Variants in FAM204A observed in about 807,000 individuals in gnomAD.
The protein encoded by FAM204A is protein FAM204A.
A neutral mutation model predicts 35.4 loss-of-function variants in FAM204A; 16 were observed. The ratio of observed to expected loss-of-function variants is 0.45; its 90% CI spans 0.31 to 0.69. The LOEUF is 0.69. Ranked by LOEUF, FAM204A falls within the 30% of genes least tolerant of loss-of-function variation. The pLI is 0.07. For synonymous variants in FAM204A, 76 were observed against 86.9 expected (o/e 0.88, Z 0.70); for missense variants, 240 against 265.7 (o/e 0.90, Z 0.67).
At chr10:118,320,876 T>C (rs1251620712) in intron 7 of FAM204A, among the ~76,000 whole-genome samples, 1 of 147,750 alleles carries the variant, frequency 6.8e-6, no homozygotes, top group Non-Finnish European at 1.5e-5. Flanking sequence ...TATTTTGGAA[T>C]ACCGTTTTGT....
Position 118,308,407 on chromosome 10 carries a change from G to A in FAM204A, c.*2450C>T, listed in dbSNP as rs755704266. ...TGACTACATCCTTTGAGCAGCATGC[G>A]TACTCAAGGAATAATGTTTCTAGGA... On this transcript the variant is annotated 3_prime_UTR_variant, in exon 9 of 9. Transcript: ENST00000369183. 21 of 152,128 alleles carry A rather than the reference G, an allele frequency of 1.4e-4. No individual in the cohort carries two copies. Among genetic ancestry groups the A allele is most frequent in the African/African-American group, 3.6e-4 (15 of 41,408 alleles). 9.4% of individuals were successfully genotyped at this position (152,128 alleles called of 1,614,324 possible).
chr10:118,334,331 G>A (rs964073446), intron 6 of FAM204A, among the ~76,000 whole-genome samples: 7 of 151,974 alleles, frequency 4.6e-5, no homozygotes, highest in East Asian at 1.9e-4. Flanking sequence ...CCTTCCATAC[G>A]CCCCAAACCC....
rs1845887507 is a variant in FAM204A at position 118,307,761 on chromosome 10, C to T, written c.*3096G>A. 1.3e-5 allele frequency: 2 copies of T among 152,078 alleles called. No individual in the cohort carries two copies. The highest frequency in any genetic ancestry group is 6.6e-5 in the Admixed American group (1 of 15,260). The allele number at this position is 152,078 out of a possible 1,614,324, so 9.4% of individuals were successfully genotyped here. ...ATAAGCTAAAAGATAATATTTTAGA[C>T]AAAAGGTATAAAGAAAATCAGAAGA... On this transcript the variant is annotated 3_prime_UTR_variant, in exon 9 of 9. Transcript: ENST00000369183.
chr10:118,319,158 T>C (rs1432734171), intron 7 of FAM204A, among the ~76,000 whole-genome samples: 3 of 152,034 alleles, frequency 2.0e-5, no homozygotes, highest in South Asian at 4.1e-4. Context: ...CAGATGTTAA[T>C]ATAAAACGAA....
At chr10:118,315,319 T>A (rs928728738) in intron 7 of FAM204A, among the ~76,000 whole-genome samples, 5 of 152,186 alleles carry the variant, frequency 3.3e-5, no homozygotes, top group Admixed American at 3.3e-4. Flanking sequence ...TTGCTGATAA[T>A]CATTTGAAGT....
chr10:118,336,135 T>C (rs750971131), intron 3 of FAM204A, 47 bp downstream of exon 3: 2 of 1,586,496 alleles, frequency 1.3e-6, no homozygotes, highest in African/African-American at 1.3e-5. Flanking sequence ...CACAGAGGCA[T>C]GTGCACACAC....
Position 118,300,686 on chromosome 10 carries a change from T to A in FAM204A, c.*10171A>T, listed in dbSNP as rs1453144989. 2.0e-5 allele frequency: 3 copies of A among 152,184 alleles called. No homozygotes were observed. Among genetic ancestry groups the A allele is most frequent in the African/African-American group, 7.2e-5 (3 of 41,436 alleles). 9.4% of individuals were successfully genotyped at this position (152,184 alleles called of 1,614,324 possible). On this transcript the variant is annotated 3_prime_UTR_variant, in exon 9 of 9. Transcript: ENST00000369183. ...CCTTTAGCCACCCACCTATAGGAGC[T>A]TAGCCCTGGGGAATTCTTTGGGCAG...
Position 118,307,336 on chromosome 10 carries a change from T to C in FAM204A, c.*3521A>G, listed in dbSNP as rs1307720138. 6.6e-6 allele frequency: 1 copy of C among 152,220 alleles called. No homozygotes were observed. The allele number at this position is 152,220 out of a possible 1,614,324, so 9.4% of individuals were successfully genotyped here. On this transcript the variant is annotated 3_prime_UTR_variant, in exon 9 of 9. Transcript: ENST00000369183. ...TTCATGAAAGTCAGAGCTAAGACTT[T>C]AGTAGAGTGTAAATTTTAAGCCAAT...
At position 118,308,397 on chromosome 10, in the gene FAM204A, A is replaced by G. The variant is rs749842764; in HGVS notation, c.*2460T>C. ...AGTGGACAAATGACTACATCCTTTGAGCAGCATGCGTACTCAAGGAATAAT... is the reference window on the plus strand; with the variant it reads ...AGTGGACAAATGACTACATCCTTTGGGCAGCATGCGTACTCAAGGAATAAT... On this transcript the variant is annotated 3_prime_UTR_variant, in exon 9 of 9. Transcript: ENST00000369183. 1 of 152,208 alleles carries G rather than the reference A, an allele frequency of 6.6e-6. No individual in the cohort carries two copies. Among genetic ancestry groups the G allele is most frequent in the South Asian group, 2.1e-4 (1 of 4,822 alleles). 9.4% of individuals were successfully genotyped at this position (152,208 alleles called of 1,614,324 possible).
chr10:118,311,497 C>A, intron 7 of FAM204A, 184 bp from the exon 8 acceptor site: 1 of 540,706 alleles, frequency 1.8e-6, no homozygotes, highest in South Asian at 2.7e-5. Context: ...TCCCGTGACT[C>A]CCAATAGACC....
chr10:118,336,502 G>A (rs1297405418), intron 2 of FAM204A, 79 bp from the exon 3 acceptor site: 1 of 1,288,594 alleles, frequency 7.8e-7, no homozygotes, highest in African/African-American at 1.5e-5. Flanking sequence ...CATTCCAGGT[G>A]CCTAATAATT....
chr10:118,330,484 G>A (rs1445113271), intron 6 of FAM204A, among the ~76,000 whole-genome samples: 1 of 152,144 alleles, frequency 6.6e-6, no homozygotes, highest in African/African-American at 2.4e-5. Context: ...AAAGCTCTGG[G>A]TAAATGACAT....
chr10:118,312,071 T>C (rs1845961202), intron 7 of FAM204A, among the ~76,000 whole-genome samples: 1 of 152,234 alleles, frequency 6.6e-6, no homozygotes, highest in Non-Finnish European at 1.5e-5. Flanking sequence ...TTTTACACTC[T>C]GCCCTGCACG....
In FAM204A at chr10:118,329,528, T is replaced by C. The variant is rs72835410; in HGVS notation, c.454-3285A>G. ...GGCTCACGTCGAATGTTACCTTCTCTATCTACGCAGAGCTCCTCAGCCCTA... is the reference window on the plus strand; with the variant it reads ...GGCTCACGTCGAATGTTACCTTCTCCATCTACGCAGAGCTCCTCAGCCCTA... On this transcript the variant is annotated intron_variant, in intron 6 of 8. Transcript: ENST00000369183. Among the ~76,000 whole-genome samples, 1,079 of 152,288 alleles carry C rather than the reference T, an allele frequency of 7.1e-3. 7 individuals are homozygous for C. The highest frequency in any genetic ancestry group is 0.012 in the Non-Finnish European group (796 of 68,014).
At chr10:118,336,526 G>A in intron 2 of FAM204A, 103 bp from the exon 3 acceptor site, 2 of 1,086,722 alleles carry the variant, frequency 1.8e-6, no homozygotes, top group Non-Finnish European at 2.5e-6. Context: ...ACAATGGTTT[G>A]GGAACAGTCC....
chr10:118,313,181 A>G lies in FAM204A; in HGVS notation c.544-1868T>C, dbSNP rs1845979966. Among the ~76,000 whole-genome samples, 4 of 152,260 alleles carry G rather than the reference A, an allele frequency of 2.6e-5. No homozygotes were observed. In the South Asian group the frequency reaches 6.2e-4, roughly 24 times the overall value. Reference sequence around the variant, plus strand: ...AAAAAAAAAAATCAAGTTAACACCTATCAACTAGTTAGGCTAGTCAACCTT... The same window carrying G: ...AAAAAAAAAAATCAAGTTAACACCTGTCAACTAGTTAGGCTAGTCAACCTT... On this transcript the variant is annotated intron_variant, in intron 7 of 8. Coordinates refer to ENST00000369183, the MANE Select transcript of FAM204A (RefSeq NM_022063.3).
chr10:118,317,606 AT>A (rs1846051745), intron 7 of FAM204A, among the ~76,000 whole-genome samples: 1 of 152,064 alleles, frequency 6.6e-6, no homozygotes, highest in Admixed American at 6.6e-5. Flanking sequence ...TTTTTCTGAT[AT>A]TAAAATGCTG....
chr10:118,340,286 G>A (rs927340790), intron 2 of FAM204A, among the ~76,000 whole-genome samples: 7 of 152,230 alleles, frequency 4.6e-5, no homozygotes, highest in South Asian at 4.1e-4. Flanking sequence ...AATAAAAACC[G>A]TTCTAGATTG....
chr10:118,327,439 C>G (rs1347268053), intron 6 of FAM204A, among the ~76,000 whole-genome samples: 1 of 152,206 alleles, frequency 6.6e-6, no homozygotes, highest in African/African-American at 2.4e-5. Context: ...GCAAGGCCAA[C>G]AGACTTTTCT....
Sources: allele counts gnomAD v4.1 joint callset (sites outside exome capture counted in the v4.1 genomes callset), GRCh38; gene constraint gnomAD v4.1.1; transcripts MANE v1.5; gene names NCBI Gene and HGNC (gene_info 2026-07-23, HGNC 2026-07-21).